Variants in AKR1C8 observed in about 807,000 individuals in gnomAD.
AKR1C8 encodes aldo-keto reductase family 1 member C-like protein 1.
chr10:5,137,392 T>C, the AKR1C8 span, among the ~76,000 whole-genome samples: 1 of 152,006 alleles, frequency 6.6e-6, no homozygotes, highest in South Asian at 2.1e-4. Context: ...ATCAAAAAGC[T>C]TATCCACCAA....
the AKR1C8 span, among the ~76,000 whole-genome samples, chr10:5,178,363 G>A: frequency 1.5e-3 from 227 of 152,248 alleles, 1 homozygote; most frequent in African/African-American, 5.2e-3. Flanking sequence ...TATAATTTCT[G>A]TTCTTTTACA....
chr10:5,147,321 C>T, the AKR1C8 span, among the ~76,000 whole-genome samples: 2 of 152,086 alleles, frequency 1.3e-5, no homozygotes, highest in Admixed American at 6.6e-5. Context: ...GAGAACTCAG[C>T]ATATGGTTTA....
At chr10:5,178,561 T>A in the AKR1C8 span, among the ~76,000 whole-genome samples, 1 of 152,292 alleles carries the variant, frequency 6.6e-6, no homozygotes, top group South Asian at 2.1e-4. Context: ...CATTGATCTG[T>A]CTAATGTTGA....
the AKR1C8 span, chr10:5,157,548 T>A: frequency 2.6e-6 from 1 of 390,988 alleles, no homozygotes; most frequent in Non-Finnish European, 5.4e-6. Context: ...CAGGAATGAA[T>A]GACACGTGTC....
the AKR1C8 span, among the ~76,000 whole-genome samples, chr10:5,119,825 T>G: frequency 6.6e-6 from 1 of 152,208 alleles, no homozygotes; most frequent in East Asian, 1.9e-4. Flanking sequence ...AAAAGAATAT[T>G]AATTTATAAT....
the AKR1C8 span, among the ~76,000 whole-genome samples, chr10:5,183,097 T>C: frequency 6.6e-6 from 1 of 152,178 alleles, no homozygotes; most frequent in South Asian, 2.1e-4. Context: ...GTCTCACTAA[T>C]TATTTTTAAA....
At chr10:5,177,124 T>A in the AKR1C8 span, among the ~76,000 whole-genome samples, 1 of 152,198 alleles carries the variant, frequency 6.6e-6, no homozygotes, top group Non-Finnish European at 1.5e-5. Context: ...TTGTCATAGA[T>A]AGCTCTTATT....
the AKR1C8 span, among the ~76,000 whole-genome samples, chr10:5,117,619 G>A: frequency 6.6e-6 from 1 of 152,232 alleles, no homozygotes; most frequent in East Asian, 1.9e-4. Context: ...ATAAAGAAGA[G>A]GTTTGTTGGC....
At chr10:5,178,761 G>A in the AKR1C8 span, among the ~76,000 whole-genome samples, 2 of 151,896 alleles carry the variant, frequency 1.3e-5, no homozygotes, top group Admixed American at 6.6e-5. Context: ...GATCTTTGTT[G>A]GTTTGAAATC....
the AKR1C8 span, among the ~76,000 whole-genome samples, chr10:5,174,214 A>C: frequency 2.1e-4 from 32 of 152,016 alleles, no homozygotes; most frequent in East Asian, 5.8e-3. Context: ...GACAAACAGA[A>C]AATTTTACAA....
chr10:5,172,415 A>C, the AKR1C8 span, among the ~76,000 whole-genome samples: 2 of 152,224 alleles, frequency 1.3e-5, no homozygotes, highest in South Asian at 4.1e-4. Context: ...CTTTCCCCAA[A>C]AAACCTTCCT....
At chr10:5,121,048 T>A in the AKR1C8 span, among the ~76,000 whole-genome samples, 2 of 152,006 alleles carry the variant, frequency 1.3e-5, no homozygotes, top group Non-Finnish European at 2.9e-5. Context: ...GGTTTTTTTT[T>A]AAGTGAAGCA....
the AKR1C8 span, among the ~76,000 whole-genome samples, chr10:5,151,274 G>A: frequency 6.6e-6 from 1 of 152,156 alleles, no homozygotes; most frequent in African/African-American, 2.4e-5. Flanking sequence ...CCAGCCGCAT[G>A]ACTCGTAAAC....
At chr10:5,170,153 C>G in the AKR1C8 span, among the ~76,000 whole-genome samples, 2 of 152,062 alleles carry the variant, frequency 1.3e-5, no homozygotes, top group African/African-American at 4.8e-5. Context: ...TCGGGGGACT[C>G]AGAGGCAGTG....
the AKR1C8 span, among the ~76,000 whole-genome samples, chr10:5,163,261 A>G: frequency 6.6e-6 from 1 of 152,212 alleles, no homozygotes; most frequent in African/African-American, 2.4e-5. Context: ...GTCTCATTCC[A>G]TATCAATCAA....
chr10:5,132,519 C>A, the AKR1C8 span: 1 of 1,246,846 alleles, frequency 8.0e-7, no homozygotes, highest in Non-Finnish European at 1.1e-6. Flanking sequence ...AATTCACCCA[C>A]CTACAGATCC....
chr10:5,148,209 T>C, the AKR1C8 span, among the ~76,000 whole-genome samples: 1 of 151,638 alleles, frequency 6.6e-6, no homozygotes, highest in Non-Finnish European at 1.5e-5. Flanking sequence ...CTCAGTAGTA[T>C]AGGAGATAGA....
the AKR1C8 span, among the ~76,000 whole-genome samples, chr10:5,128,882 G>A: frequency 3.1e-4 from 47 of 152,106 alleles, no homozygotes; most frequent in African/African-American, 1.1e-3. Context: ...GATAATCAAG[G>A]CAGAAAGTAA....
At chr10:5,144,710 A>T in the AKR1C8 span, among the ~76,000 whole-genome samples, 1 of 152,146 alleles carries the variant, frequency 6.6e-6, no homozygotes, top group Non-Finnish European at 1.5e-5. Flanking sequence ...TGATATTTGT[A>T]CATTGATTTT....
Sources: allele counts gnomAD v4.1 joint callset (sites outside exome capture counted in the v4.1 genomes callset), GRCh38; gene constraint gnomAD v4.1.1; transcripts MANE v1.5; gene names NCBI Gene and HGNC (gene_info 2026-07-23, HGNC 2026-07-21).